ATIC: variants seen among roughly 807,000 people sequenced by gnomAD.
ATIC encodes 5-aminoimidazole-4-carboxamide ribonucleotide formyltransferase/IMP cyclohydrolase, also known as bifunctional purine biosynthesis protein ATIC.
In ATIC, 64 loss-of-function variants were observed where a neutral mutation model predicts 72.5. The observed-to-expected ratio is 0.88, with a 90% CI of 0.72 to 1.09. The LOEUF is 1.09. Ranked by LOEUF, ATIC falls within the 50% of genes least tolerant of loss-of-function variation. The pLI, the probability that ATIC is intolerant of heterozygous loss-of-function variation, is 0.00. For synonymous variants in ATIC, 281 were observed against 267.1 expected, an observed-to-expected ratio of 1.05 and a Z score of -0.51; for missense variants, 787 against 732.4, an observed-to-expected ratio of 1.07 and a Z score of -0.86.
intron 14 of ATIC, 41 bp from the exon 15 acceptor site, chr2:215,349,053 G>T (rs376021465): frequency 1.2e-6 from 2 of 1,610,134 alleles, no homozygotes; most frequent in East Asian, 2.2e-5. Context: ...AACTAAAGAC[G>T]ATGTCAGACC....
rs138166346 is a variant in ATIC at position 215,349,224 on chromosome 2, G to A, written c.1634G>A (p.Arg545Gln). 291 of 1,614,124 alleles carry A rather than the reference G, an allele frequency of 1.8e-4. No individual in the cohort carries two copies. The highest frequency in any genetic ancestry group is 2.4e-4 in the Non-Finnish European group (278 of 1,180,020). Residue 545 changes from arginine to glutamine, a missense_variant, in exon 15 of 16, where the codon CGA becomes CAA. Transcript: ENST00000236959. The part of the protein sequence containing the change: ...SISSDAFFPF[R>Q]DNVDRAKRSG... ...AGCTCTGATGCCTTCTTCCCTTTCC[G>A]AGATAACGTAGACAGAGCTAAAAGG... is the stretch of plus-strand genomic sequence containing the variant.
chr2:215,352,927 G>A (rs1281676163), downstream of ATIC, among the ~76,000 whole-genome samples: 1 of 152,010 alleles, frequency 6.6e-6, no homozygotes, highest in Non-Finnish European at 1.5e-5. Flanking sequence ...TTTAATTTGT[G>A]CCTCTGCTCC....
rs544955409 is a variant in ATIC, at chr2:215,337,613, C to T, written c.1099-1166C>T. ...AACTCCTGACCTCAAGGGATCTGCC[C>T]GCCTCGGCCTCCCAAAGTGTTGGGA... On this transcript the variant is annotated intron_variant, in intron 11 of 15. Coordinates refer to ENST00000236959, the MANE Select transcript of ATIC (RefSeq NM_004044.7). Among the ~76,000 whole-genome samples, 29 of 152,280 alleles carry T rather than the reference C, an allele frequency of 1.9e-4. No homozygotes were observed. The South Asian group carries it at 4.6e-3, about 24-fold the overall frequency.
chr2:215,340,563 G>A (rs1445143786), intron 12 of ATIC, among the ~76,000 whole-genome samples: 1 of 152,182 alleles, frequency 6.6e-6, no homozygotes, highest in South Asian at 2.1e-4. Context: ...GGGCTGGATG[G>A]TGTTATTTTT....
intron 9 of ATIC, among the ~76,000 whole-genome samples, chr2:215,333,908 G>C (rs543178301): frequency 1.3e-5 from 2 of 151,804 alleles, no homozygotes; most frequent in South Asian, 4.2e-4. Flanking sequence ...TGGGCGTGGT[G>C]GGGGGTACCT....
intron 3 of ATIC, 74 bp from the exon 4 acceptor site, chr2:215,319,591 A>G: frequency 9.3e-7 from 1 of 1,078,088 alleles, no homozygotes; most frequent in Admixed American, 1.7e-5. Context: ...GATTGAAGAC[A>G]CTATGTTGAA....
At chr2:215,328,812 G>C (rs902326336) in intron 7 of ATIC, among the ~76,000 whole-genome samples, 1 of 151,828 alleles carries the variant, frequency 6.6e-6, no homozygotes, top group South Asian at 2.1e-4. Context: ...CCACCTCCCG[G>C]GTTGAAGTGA....
At chr2:215,334,297 G>A (rs531107060) in intron 9 of ATIC, among the ~76,000 whole-genome samples, 38 of 148,312 alleles carry the variant, frequency 2.6e-4, no homozygotes, top group African/African-American at 8.4e-4. Flanking sequence ...GGGTTCAAGC[G>A]ATTCTCCTGC....
At chr2:215,338,617 ACAT>A (rs2052982456) in intron 11 of ATIC, 159 bp from the exon 12 acceptor site, 1 of 650,234 alleles carries the variant, frequency 1.5e-6, no homozygotes, top group Admixed American at 3.1e-5. Context: ...ATGATTTAAC[ACAT>A]CATTTGTTGT....
intron 6 of ATIC, 149 bp from the exon 7 acceptor site, chr2:215,326,673 T>G (rs1206240310): frequency 1.0e-6 from 1 of 954,100 alleles, no homozygotes; most frequent in Non-Finnish European, 1.7e-6. Flanking sequence ...ATTCAGTGCT[T>G]TGCTGTCATT....
chr2:215,315,872 T>G (rs1168331553), intron 2 of ATIC, among the ~76,000 whole-genome samples: 1 of 152,002 alleles, frequency 6.6e-6, no homozygotes, highest in Non-Finnish European at 1.5e-5. Context: ...GGAGAATTGC[T>G]TGAACCCAGG....
chr2:215,336,549 A>G (rs926794054), intron 11 of ATIC, among the ~76,000 whole-genome samples: 2 of 152,264 alleles, frequency 1.3e-5, no homozygotes, highest in African/African-American at 4.8e-5. Context: ...TACCTTTTGA[A>G]AAGATAACTA....
the ATIC span, chr2:215,363,641 G>A: frequency 6.6e-6 from 1 of 152,164 alleles, no homozygotes; most frequent in Non-Finnish European, 1.5e-5. Context: ...TAATGCATTT[G>A]GCATTAACCA....
At chr2:215,325,459 T>G in intron 5 of ATIC, 130 bp downstream of exon 5, 1 of 696,624 alleles carries the variant, frequency 1.4e-6, no homozygotes. Context: ...GTTTTGGGAT[T>G]ACTATAATTC....
At chr2:215,336,584 C>T (rs1372238724) in intron 11 of ATIC, among the ~76,000 whole-genome samples, 2 of 152,204 alleles carry the variant, frequency 1.3e-5, no homozygotes, top group African/African-American at 2.4e-5. Flanking sequence ...CTTATCTTTC[C>T]TGAAATAGTC....
At chr2:215,351,293 G>T (rs145058672), downstream of ATIC, among the ~76,000 whole-genome samples, 1 of 152,332 alleles carries the variant, frequency 6.6e-6, no homozygotes, top group South Asian at 2.1e-4. Context: ...GCCCAAAAGA[G>T]CTCTTGAATT....
chr2:215,338,946 C>T (rs1354089323), intron 12 of ATIC, 39 bp downstream of exon 12: 1 of 1,609,456 alleles, frequency 6.2e-7, no homozygotes, highest in Admixed American at 1.7e-5. Flanking sequence ...CTAGTAACTT[C>T]CATTGGTCTG....
chr2:215,361,950 G>C, the ATIC span: 1 of 1,602,308 alleles, frequency 6.2e-7, no homozygotes, highest in Admixed American at 1.7e-5. Context: ...GAACACACTT[G>C]TGCTGCTAAT....
intron 2 of ATIC, 69 bp from the exon 3 acceptor site, chr2:215,318,088 G>A: frequency 1.5e-6 from 2 of 1,368,802 alleles, no homozygotes; most frequent in South Asian, 2.3e-5. Context: ...GAAAACAGTA[G>A]ATGCTTTGAA....
Sources: allele counts gnomAD v4.1 joint callset (sites outside exome capture counted in the v4.1 genomes callset), GRCh38; gene constraint gnomAD v4.1.1; transcripts MANE v1.5; gene names NCBI Gene and HGNC (gene_info 2026-07-23, HGNC 2026-07-21).